JAKMIP1: variants seen among roughly 807,000 people sequenced by gnomAD.
JAKMIP1 encodes the protein janus kinase and microtubule-interacting protein 1.
A neutral mutation model predicts 113.0 loss-of-function variants in JAKMIP1; 33 were observed. That is an observed-to-expected ratio of 0.29 (90% CI 0.22 to 0.39). The LOEUF is 0.39. JAKMIP1 is among the 10% of genes least tolerant of loss of function. The probability of loss-of-function intolerance (pLI) is 1.00; values close to 1 mark genes in which losing one functional copy is unlikely to be tolerated. For synonymous variants in JAKMIP1, 480 were observed against 459.9 expected, an observed-to-expected ratio of 1.04 and a Z score of -0.56; for missense variants, 813 against 1,080.5, an observed-to-expected ratio of 0.75 and a Z score of 3.47.
intron 8 of JAKMIP1, among the ~76,000 whole-genome samples, chr4:6,070,473 G>C (rs1428579738): frequency 1.3e-5 from 2 of 152,246 alleles, no homozygotes; most frequent in Non-Finnish European, 2.9e-5. Flanking sequence ...TTCCAGGGGC[G>C]GGATAGGGTG....
At chr4:6,163,382 A>G (rs1284560985) in intron 1 of JAKMIP1, among the ~76,000 whole-genome samples, 4 of 152,156 alleles carry the variant, frequency 2.6e-5, no homozygotes, top group African/African-American at 7.2e-5. Flanking sequence ...TAATATTACT[A>G]TTGTAACTAG....
In JAKMIP1 at chr4:6,059,212, G is replaced by A. The variant is rs994524156; in HGVS notation, c.1644+1212C>T. Among the ~76,000 whole-genome samples, 2 of 152,138 alleles carry A rather than the reference G, an allele frequency of 1.3e-5. No individual in the cohort carries two copies. Among genetic ancestry groups the A allele is most frequent in the East Asian group, 1.9e-4 (1 of 5,170 alleles). On this transcript the variant is annotated intron_variant, in intron 11 of 20. Transcript: ENST00000409021. The surrounding 1 kb of genome is among the most constrained non-coding windows in gnomAD (Gnocchi z 4.8). ...GGGCTGGGCACTCACATTCCCCCACGCAGTCCATTGGTAAAGTCTGCTGTG... is the reference window on the plus strand; with the variant it reads ...GGGCTGGGCACTCACATTCCCCCACACAGTCCATTGGTAAAGTCTGCTGTG...
chr4:6,193,950 C>T lies in JAKMIP1; in HGVS notation c.-148+6303G>A, dbSNP rs753338694. Among the ~76,000 whole-genome samples the T allele has an allele frequency of 1.3e-5, 2 of 152,194 alleles. No individual in the cohort carries two copies. The highest frequency in any genetic ancestry group is 2.4e-5 in the African/African-American group (1 of 41,438). ...TGTGTTGTATACGCACCATGGAATA[C>T]TACTCCGCCATGAAGAAGAAGGAAG... is the stretch of plus-strand genomic sequence containing the variant. On this transcript the variant is annotated intron_variant, in intron 1 of 20. Transcript: ENST00000409021. The surrounding 1 kb of genome is among the most constrained non-coding windows in gnomAD (Gnocchi z 6.4).
chr4:6,071,974 C>T (rs986936618), intron 8 of JAKMIP1, among the ~76,000 whole-genome samples: 5 of 152,202 alleles, frequency 3.3e-5, no homozygotes, highest in Non-Finnish European at 7.4e-5. Context: ...TTCACTCCAC[C>T]AAAAAGAAAA....
At position 6,137,924 on chromosome 4, in the gene JAKMIP1, G is replaced by A. The variant is rs1197604507; in HGVS notation, c.-147-24927C>T. ...CCTGGCAGACAAGGTGTGCTCTGGC[G>A]TTGGGGGTCCCACCATGGCCTTCTC... On this transcript the variant is annotated intron_variant, in intron 1 of 20. Coordinates refer to ENST00000409021, the MANE Select transcript of JAKMIP1 (RefSeq NM_001099433.2). This position sits in a 1 kb window ranked among gnomAD's most constrained non-coding sequence, Gnocchi z 4.5. Among the ~76,000 whole-genome samples the A allele has an allele frequency of 2.6e-5, 4 of 152,162 alleles. No individual in the cohort carries two copies. In the East Asian group the frequency reaches 7.8e-4, roughly 30 times the overall value.
Position 6,069,188 on chromosome 4 carries a change from CAT to C in JAKMIP1, c.1303-4182_1303-4181del, listed in dbSNP as rs1718592246. On this transcript the variant is annotated intron_variant, in intron 8 of 20. Transcript: ENST00000409021. This position sits in a 1 kb window ranked among gnomAD's most constrained non-coding sequence, Gnocchi z 4.5. ...GATGAGGGGAGAACCGCCCAGAAAA[CAT>C]TGTTTCCTGTCATGACTGGCACACA... Among the ~76,000 whole-genome samples, 1 of 152,104 alleles carries C rather than the reference CAT, an allele frequency of 6.6e-6. No individual in the cohort carries two copies. The highest frequency in any genetic ancestry group is 6.5e-5 in the Admixed American group (1 of 15,270).
rs1308430625 is a variant in JAKMIP1, at chr4:6,162,584, A to T, written c.-148+37669T>A. Among the ~76,000 whole-genome samples, 1 of 152,240 alleles carries T rather than the reference A, an allele frequency of 6.6e-6. No homozygotes were observed. Among genetic ancestry groups the T allele is most frequent in the Non-Finnish European group, 1.5e-5 (1 of 68,038 alleles). On this transcript the variant is annotated intron_variant, in intron 1 of 20. Coordinates refer to ENST00000409021, the MANE Select transcript of JAKMIP1 (RefSeq NM_001099433.2). The surrounding 1 kb of genome is among the most constrained non-coding windows in gnomAD (Gnocchi z 5.6). ...TTAACTTGCACAAGGCAGTCATGTC[A>T]ACAGGGCAAAGGCACCATCTCGTTC...
At position 6,086,361 on chromosome 4, in the gene JAKMIP1, C is replaced by T. The variant is rs1167168268; in HGVS notation, c.625-732G>A. Among the ~76,000 whole-genome samples the T allele has an allele frequency of 6.6e-6, 1 of 151,942 alleles. No individual in the cohort carries two copies. Among genetic ancestry groups the T allele is most frequent in the Non-Finnish European group, 1.5e-5 (1 of 68,010 alleles). On this transcript the variant is annotated intron_variant, in intron 3 of 20. Coordinates refer to ENST00000409021, the MANE Select transcript of JAKMIP1 (RefSeq NM_001099433.2). This position sits in a 1 kb window ranked among gnomAD's most constrained non-coding sequence, Gnocchi z 4.1. ...TATGCAGCAGATCTTAAACACATGC[C>T]TCAGCCCTGGCTTCTCTCTGAGCTC...
chr4:6,119,282 G>A (rs1200853538), intron 1 of JAKMIP1, among the ~76,000 whole-genome samples: 3 of 151,012 alleles, frequency 2.0e-5, no homozygotes, highest in East Asian at 4.0e-4. Flanking sequence ...GGTGGCTCAC[G>A]CCTGTAATCC....
rs1726545154 is a variant in JAKMIP1 at position 6,185,463 on chromosome 4, C to T, written c.-148+14790G>A. On this transcript the variant is annotated intron_variant, in intron 1 of 20. Transcript: ENST00000409021. The surrounding 1 kb of genome is among the most constrained non-coding windows in gnomAD (Gnocchi z 5.3). Reference sequence around the variant, plus strand: ...GAGATCGAGACCATCCTGGCTAACACAGTGAAACCCCATCTCTACTAAAAA... The same window carrying T: ...GAGATCGAGACCATCCTGGCTAACATAGTGAAACCCCATCTCTACTAAAAA... 6.6e-6 allele frequency among the ~76,000 whole-genome samples: 1 copy of T among 152,064 alleles called. No homozygotes were observed. Among genetic ancestry groups the T allele is most frequent in the Non-Finnish European group, 1.5e-5 (1 of 68,026 alleles).
In JAKMIP1 at chr4:6,097,844, C is replaced by T. The variant is rs1036763592; in HGVS notation, c.624+7629G>A. Among the ~76,000 whole-genome samples, 16 of 152,230 alleles carry T rather than the reference C, an allele frequency of 1.1e-4. No individual in the cohort carries two copies. Among genetic ancestry groups the T allele is most frequent in the Non-Finnish European group, 2.2e-4 (15 of 68,042 alleles). On this transcript the variant is annotated intron_variant, in intron 3 of 20. Coordinates refer to ENST00000409021, the MANE Select transcript of JAKMIP1 (RefSeq NM_001099433.2). The surrounding 1 kb of genome is among the most constrained non-coding windows in gnomAD (Gnocchi z 4.3). ...GCAATCTGGTTCCCTTGATCAAAAG[C>T]ACCCAAGACCAGGATGTCAGGTTTT...
chr4:6,115,059 C>A (rs982459656), intron 1 of JAKMIP1, among the ~76,000 whole-genome samples: 8 of 152,110 alleles, frequency 5.3e-5, no homozygotes, highest in African/African-American at 1.9e-4. Flanking sequence ...GTCTAAGCCC[C>A]GACAGAAAAG....
intron 20 of JAKMIP1, among the ~76,000 whole-genome samples, chr4:6,029,042 G>A (rs771834748): frequency 1.1e-4 from 17 of 152,222 alleles, no homozygotes; most frequent in Non-Finnish European, 2.2e-4. Context: ...TGCTTTGTGT[G>A]TGTCCTGAGC....
At chr4:6,055,923 A>G (rs1387215191) in intron 12 of JAKMIP1, among the ~76,000 whole-genome samples, 59 of 75,902 alleles carry the variant, frequency 7.8e-4, no homozygotes, top group East Asian at 9.7e-4. Flanking sequence ...ATTTCTGCAG[A>G]GTGTCCCCAG....
At chr4:6,174,428 C>T (rs1725096350) in intron 1 of JAKMIP1, among the ~76,000 whole-genome samples, 1 of 152,218 alleles carries the variant, frequency 6.6e-6, no homozygotes, top group South Asian at 2.1e-4. Context: ...ACCGTGAATC[C>T]TTGGCTGATG....
In JAKMIP1 at chr4:6,049,943, G is replaced by A. The variant is rs1338067769; in HGVS notation, c.1909-71C>T. 2.0e-5 allele frequency: 22 copies of A among 1,109,894 alleles called. No homozygotes were observed. Among genetic ancestry groups the A allele is most frequent in the East Asian group, 1.7e-4 (7 of 42,248 alleles). 68.8% of individuals were successfully genotyped at this position (1,109,894 alleles called of 1,614,324 possible). On this transcript the variant is annotated intron_variant, in intron 14 of 20. Coordinates refer to ENST00000409021, the MANE Select transcript of JAKMIP1 (RefSeq NM_001099433.2). The surrounding 1 kb of genome is among the most constrained non-coding windows in gnomAD (Gnocchi z 7.0). ...CAACCATACCAATTTCTAGGGCCAC[G>A]GCCTTTCCTCTGGACAAGACACCGC... is the stretch of plus-strand genomic sequence containing the variant.
chr4:6,100,973 C>T (rs1259646052), intron 3 of JAKMIP1, among the ~76,000 whole-genome samples: 2 of 152,034 alleles, frequency 1.3e-5, no homozygotes, highest in East Asian at 1.9e-4. Context: ...AGGTATTGAA[C>T]ATGTCTTCTC....
At chr4:6,041,922 C>G (rs1014967515) in intron 17 of JAKMIP1, among the ~76,000 whole-genome samples, 5 of 152,182 alleles carry the variant, frequency 3.3e-5, no homozygotes, top group African/African-American at 1.2e-4. Context: ...AGCCTCTAAT[C>G]CTGCCATAGC....
intron 3 of JAKMIP1, among the ~76,000 whole-genome samples, chr4:6,091,910 C>T (rs993030050): frequency 1.3e-5 from 2 of 152,120 alleles, no homozygotes; most frequent in Non-Finnish European, 2.9e-5. Context: ...AAAATCTCTT[C>T]CAGCATCTCA....
Sources: allele counts gnomAD v4.1 joint callset (sites outside exome capture counted in the v4.1 genomes callset), GRCh38; gene constraint gnomAD v4.1.1; non-coding constraint Gnocchi (gnomAD v3.1); transcripts MANE v1.5; gene names NCBI Gene and HGNC (gene_info 2026-07-23, HGNC 2026-07-21).